SH3RF2: variants seen among roughly 807,000 people sequenced by gnomAD.
SH3RF2 encodes the protein E3 ubiquitin-protein ligase SH3RF2.
SH3RF2 carries 43 observed loss-of-function variants against 59.0 expected under a neutral mutation model. The observed-to-expected ratio is 0.73, with a 90% CI of 0.57 to 0.94. The LOEUF (loss-of-function observed/expected upper bound fraction) is 0.94, where lower values mean the gene tolerates loss of function less well. SH3RF2 is among the 40% of genes least tolerant of loss of function. The probability of loss-of-function intolerance (pLI) is 0.00; values close to 1 mark genes in which losing one functional copy is unlikely to be tolerated. For missense variants in SH3RF2, 930 were observed against 940.1 expected (o/e 0.99, Z 0.14); for synonymous variants, 391 against 391.5 (o/e 1.00, Z 0.01).
At chr5:145,998,784 G>A (rs376235561) in intron 2 of SH3RF2, among the ~76,000 whole-genome samples, 12 of 152,200 alleles carry the variant, frequency 7.9e-5, no homozygotes, top group East Asian at 7.8e-4. Context: ...GGTGGTGTGC[G>A]CCTGTAATCC....
At chr5:145,999,058 C>A (rs759880626) in intron 2 of SH3RF2, among the ~76,000 whole-genome samples, 25 of 151,856 alleles carry the variant, frequency 1.6e-4, no homozygotes, top group Non-Finnish European at 3.2e-4. Flanking sequence ...TCTGAGCCTT[C>A]AGCAAGTTGT....
At chr5:146,014,295 G>A (rs1561742577) in intron 5 of SH3RF2, among the ~76,000 whole-genome samples, 1 of 152,126 alleles carries the variant, frequency 6.6e-6, no homozygotes, top group Non-Finnish European at 1.5e-5. Context: ...GCGAACTTAG[G>A]TTTAGAGGGG....
intron 2 of SH3RF2, among the ~76,000 whole-genome samples, chr5:145,956,419 G>A (rs1758407687): frequency 6.6e-6 from 1 of 152,102 alleles, no homozygotes; most frequent in Admixed American, 6.5e-5. Flanking sequence ...GGGATTACAG[G>A]TGTGCGCCAC....
At chr5:145,995,008 A>AAT (rs751535893) in intron 2 of SH3RF2, among the ~76,000 whole-genome samples, 171 of 29,222 alleles carry the variant, frequency 5.9e-3, no homozygotes, top group Middle Eastern at 0.1. Context: ...CATAAATAAT[A>AAT]AAAAAAAAGC....
At chr5:146,063,473 C>A (rs1385459952), downstream of SH3RF2, among the ~76,000 whole-genome samples, 1 of 152,220 alleles carries the variant, frequency 6.6e-6, no homozygotes, top group East Asian at 1.9e-4. Context: ...ATTAATTCAT[C>A]CTGGCTCTAC....
At chr5:145,945,589 G>C (rs944533830) in intron 2 of SH3RF2, among the ~76,000 whole-genome samples, 11 of 152,118 alleles carry the variant, frequency 7.2e-5, no homozygotes, top group African/African-American at 2.4e-4. Context: ...GGGAAGAAAA[G>C]GCAGGGTCTG....
At chr5:146,018,166 T>C (rs1325640656) in intron 5 of SH3RF2, among the ~76,000 whole-genome samples, 1 of 152,134 alleles carries the variant, frequency 6.6e-6, no homozygotes, top group African/African-American at 2.4e-5. Flanking sequence ...TGTATAGTGG[T>C]GAAGTCTGAG....
rs138578914 is a variant in SH3RF2, at chr5:145,989,444, C to T, written c.379-10614C>T. On this transcript the variant is annotated intron_variant, in intron 2 of 9. Transcript: ENST00000359120. ...GCAATTCACTCATTCATTCATCAAG[C>T]GTTTCTTAAACACCTACTTGTGTAC... is the stretch of plus-strand genomic sequence containing the variant. 7.1e-4 allele frequency among the ~76,000 whole-genome samples: 108 copies of T among 152,288 alleles called. 1 individual carries two copies. Among genetic ancestry groups the T allele is most frequent in the Admixed American group, 8.5e-4 (13 of 15,292 alleles).
At position 145,937,819 on chromosome 5, in the gene SH3RF2, G is replaced by T; in HGVS notation, c.-106-4G>T. The T allele has an allele frequency of 7.3e-7, 1 of 1,365,092 alleles. No individual in the cohort carries two copies. The highest frequency in any genetic ancestry group is 9.9e-7 in the Non-Finnish European group (1 of 1,009,282). 84.6% of individuals were successfully genotyped at this position (1,365,092 alleles called of 1,614,324 possible). On this transcript the variant is annotated splice_polypyrimidine_tract_variant and splice_region_variant and intron_variant, in intron 1 of 9. Transcript: ENST00000359120. ...TTTTTCTCTCCTCTCCCTCCTTCAA[G>T]CAGGCAAAAATTCTGACGTTCTCAA... is the stretch of plus-strand genomic sequence containing the variant.
intron 2 of SH3RF2, among the ~76,000 whole-genome samples, chr5:145,969,139 A>G (rs73312134): frequency 0.078 from 11,849 of 152,220 alleles, 1,559 homozygotes; most frequent in African/African-American, 0.27. Flanking sequence ...GCTGTTGCCA[A>G]ACAGACAAGC....
intron 7 of SH3RF2, among the ~76,000 whole-genome samples, chr5:146,051,288 T>C (rs577781003): frequency 6.6e-6 from 1 of 152,306 alleles, no homozygotes; most frequent in Non-Finnish European, 1.5e-5. Flanking sequence ...ATGAAGGGTT[T>C]AGCTTTAAGC....
chr5:146,054,256 T>C (rs1393007360), intron 7 of SH3RF2, among the ~76,000 whole-genome samples: 3 of 152,158 alleles, frequency 2.0e-5, no homozygotes, highest in African/African-American at 7.2e-5. Context: ...AGCTCAGTGC[T>C]GAGCTCAGAA....
At chr5:145,969,528 T>G (rs986544895) in intron 2 of SH3RF2, among the ~76,000 whole-genome samples, 2 of 152,098 alleles carry the variant, frequency 1.3e-5, no homozygotes, top group African/African-American at 4.8e-5. Flanking sequence ...ATTGTCTGCT[T>G]GGTTTATGTA....
intron 2 of SH3RF2, among the ~76,000 whole-genome samples, chr5:145,951,421 T>C (rs1758188292): frequency 6.6e-6 from 1 of 152,234 alleles, no homozygotes; most frequent in South Asian, 2.1e-4. Context: ...AGTTTACATC[T>C]TGGTTCTCTG....
chr5:145,945,555 A>G (rs1757977451), intron 2 of SH3RF2, among the ~76,000 whole-genome samples: 1 of 152,194 alleles, frequency 6.6e-6, no homozygotes, highest in Non-Finnish European at 1.5e-5. Flanking sequence ...AAGATGTTTT[A>G]AAAGTCAGGA....
intron 1 of SH3RF2, chr5:145,937,134 T>C (rs1002786029): frequency 1.3e-5 from 2 of 151,094 alleles, no homozygotes; most frequent in African/African-American, 2.4e-5. Context: ...GGGAGGAACA[T>C]TGTCTCTGAG....
At chr5:146,053,819 T>C (rs185754989) in intron 7 of SH3RF2, among the ~76,000 whole-genome samples, 110 of 152,306 alleles carry the variant, frequency 7.2e-4, no homozygotes, top group Non-Finnish European at 1.1e-3. Context: ...CACCACTCAT[T>C]TGCCTTTAAC....
intron 8 of SH3RF2, among the ~76,000 whole-genome samples, chr5:146,057,962 CTCTCTCTA>C (rs1486269402): frequency 1.2e-4 from 9 of 76,918 alleles, no homozygotes; most frequent in East Asian, 7.2e-4. Flanking sequence ...CTCTCTCTCT[CTCTCTCTA>C]TCTATCTATC....
At chr5:145,981,591 T>G (rs189423773) in intron 2 of SH3RF2, among the ~76,000 whole-genome samples, 2 of 152,258 alleles carry the variant, frequency 1.3e-5, no homozygotes, top group East Asian at 3.9e-4. Context: ...ACTTTCTGAG[T>G]TTTTCCTATT....
Sources: gnomAD v4.1 joint callset for allele counts (sites outside exome capture counted in the v4.1 genomes callset) on GRCh38, gnomAD v4.1.1 for gene constraint, MANE v1.5 for transcripts, NCBI Gene and HGNC (gene_info 2026-07-23, HGNC 2026-07-21) for gene names.